Variants in DYNC1I1 observed in about 807,000 individuals in gnomAD.
The protein encoded by DYNC1I1 is dynein cytoplasmic 1 intermediate chain 1, also known as cytoplasmic dynein 1 intermediate chain 1.
Under a neutral mutation model 86.6 loss-of-function variants are expected in DYNC1I1, and 43 were observed. The observed-to-expected ratio is 0.50, with a 90% CI of 0.39 to 0.64. The LOEUF is 0.64. Ranked by LOEUF, DYNC1I1 falls within the 30% of genes least tolerant of loss-of-function variation. DYNC1I1 has a pLI of 0.00. For missense variants in DYNC1I1, 604 were observed against 788.8 expected (o/e 0.77, Z 2.81); for synonymous variants, 262 against 283.7 (o/e 0.92, Z 0.77).
intron 5 of DYNC1I1, among the ~76,000 whole-genome samples, chr7:95,866,428 C>T (rs1790019822): frequency 6.6e-6 from 1 of 152,112 alleles, no homozygotes; most frequent in Admixed American, 6.5e-5. Flanking sequence ...AGTATAGTTT[C>T]AAAGTTTTTA....
At chr7:95,860,171 A>T (rs959971653) in intron 5 of DYNC1I1, among the ~76,000 whole-genome samples, 1 of 152,056 alleles carries the variant, frequency 6.6e-6, no homozygotes, top group Non-Finnish European at 1.5e-5. Flanking sequence ...CTTACCTTTT[A>T]TTCCTATTTA....
intron 1 of DYNC1I1, among the ~76,000 whole-genome samples, chr7:95,797,259 C>A (rs545379937): frequency 9.9e-5 from 15 of 152,240 alleles, no homozygotes; most frequent in Non-Finnish European, 1.5e-4. Context: ...GAACAACTGA[C>A]AAGCTAGGGT....
intron 14 of DYNC1I1, among the ~76,000 whole-genome samples, chr7:96,062,560 ATTCTTCTGATC>A (rs1677204817): frequency 6.6e-6 from 1 of 152,092 alleles, no homozygotes; most frequent in South Asian, 2.1e-4. Context: ...AATCAGACAT[ATTCTTCTGATC>A]TTCTGTCTTT....
intron 6 of DYNC1I1, among the ~76,000 whole-genome samples, chr7:95,956,062 C>T (rs919035298): frequency 6.6e-6 from 1 of 152,112 alleles, no homozygotes; most frequent in Admixed American, 6.5e-5. Flanking sequence ...AAGTGTTATG[C>T]TTTACTGTAT....
At position 95,977,032 on chromosome 7, in the gene DYNC1I1, A is replaced by G. The variant is rs538460582; in HGVS notation, c.491-480A>G. On this transcript the variant is annotated intron_variant, in intron 6 of 16. Coordinates refer to ENST00000447467, the MANE Select transcript of DYNC1I1 (RefSeq NM_001135556.2). ...CCTTCCCTTGGTTGTTTACTTGCCA[A>G]TGGCATTTGACCTGGGGTCAGACCT... Among the ~76,000 whole-genome samples, 17 of 152,324 alleles carry G rather than the reference A, an allele frequency of 1.1e-4. No homozygotes were observed. In the East Asian group the frequency reaches 2.1e-3, roughly 19 times the overall value.
chr7:95,997,229 A>G (rs1793888522), intron 10 of DYNC1I1, among the ~76,000 whole-genome samples: 1 of 151,962 alleles, frequency 6.6e-6, no homozygotes, highest in African/African-American at 2.4e-5. Flanking sequence ...ATTTTTTTTA[A>G]GATTTTCAAG....
At chr7:95,846,669 C>CTGTGTGTGTGT (rs1789441496) in intron 5 of DYNC1I1, among the ~76,000 whole-genome samples, 1 of 129,370 alleles carries the variant, frequency 7.7e-6, no homozygotes, top group Non-Finnish European at 1.6e-5. Context: ...GTGTGTGTGA[C>CTGTGTGTGTGT]GAAGGGGGCC....
At chr7:95,840,745 T>C (rs1789258953) in intron 5 of DYNC1I1, among the ~76,000 whole-genome samples, 1 of 152,222 alleles carries the variant, frequency 6.6e-6, no homozygotes, top group African/African-American at 2.4e-5. Context: ...ACCTATTCCT[T>C]CGTGCTTCCA....
Position 95,915,395 on chromosome 7 carries a change from T to C in DYNC1I1, c.490+45397T>C, listed in dbSNP as rs554569662. On this transcript the variant is annotated intron_variant, in intron 6 of 16. Transcript: ENST00000447467. Reference sequence around the variant, plus strand: ...TTGAACTTACATCTATCTCCAGAGCTTTGATTTTTCTGTTTAATTTGTATT... The same window carrying C: ...TTGAACTTACATCTATCTCCAGAGCCTTGATTTTTCTGTTTAATTTGTATT... Among the ~76,000 whole-genome samples, 8 of 152,384 alleles carry C rather than the reference T, an allele frequency of 5.2e-5. No individual in the cohort carries two copies. The South Asian group carries it at 1.0e-3, about 20-fold the overall frequency.
At chr7:95,943,665 C>G (rs1792306587) in intron 6 of DYNC1I1, among the ~76,000 whole-genome samples, 2 of 148,708 alleles carry the variant, frequency 1.3e-5, no homozygotes, top group Admixed American at 1.4e-4. Context: ...GGTACTGGCA[C>G]CAAAACAGAG....
intron 1 of DYNC1I1, among the ~76,000 whole-genome samples, chr7:95,791,437 C>A (rs1794299339): frequency 1.3e-5 from 2 of 152,206 alleles, no homozygotes; most frequent in Non-Finnish European, 2.9e-5. Flanking sequence ...TGCTTGTTAT[C>A]AGTTATTTTA....
intron 6 of DYNC1I1, among the ~76,000 whole-genome samples, chr7:95,912,376 A>T (rs971627412): frequency 6.6e-6 from 1 of 152,138 alleles, no homozygotes; most frequent in African/African-American, 2.4e-5. Context: ...GAGGAAAGGC[A>T]GTTCTGGAGT....
chr7:95,875,606 G>A (rs1226381063), intron 6 of DYNC1I1, among the ~76,000 whole-genome samples: 1 of 152,220 alleles, frequency 6.6e-6, no homozygotes, highest in African/African-American at 2.4e-5. Flanking sequence ...GTAGAGGGAA[G>A]AAAGATGAGG....
At chr7:95,813,608 T>C (rs1041918370) in intron 4 of DYNC1I1, among the ~76,000 whole-genome samples, 2 of 152,132 alleles carry the variant, frequency 1.3e-5, no homozygotes, top group African/African-American at 4.8e-5. Flanking sequence ...TCCATTAGCT[T>C]AGGCTTAAAA....
At chr7:95,811,622 C>T (rs547916382) in intron 3 of DYNC1I1, among the ~76,000 whole-genome samples, 55 of 152,172 alleles carry the variant, frequency 3.6e-4, no homozygotes, top group East Asian at 1.9e-3. Flanking sequence ...TATACTCAAT[C>T]TCAATTTGTA....
chr7:96,096,754 C>G (rs551853165), intron 16 of DYNC1I1, among the ~76,000 whole-genome samples: 6 of 152,228 alleles, frequency 3.9e-5, no homozygotes, highest in Non-Finnish European at 7.4e-5. Context: ...GCTAAGGATG[C>G]TCATACTGGA....
intron 7 of DYNC1I1, among the ~76,000 whole-genome samples, chr7:95,979,290 G>T (rs994334404): frequency 6.6e-6 from 1 of 152,172 alleles, no homozygotes; most frequent in African/African-American, 2.4e-5. Flanking sequence ...TCAATTATTA[G>T]CTGAGTGATC....
intron 5 of DYNC1I1, among the ~76,000 whole-genome samples, chr7:95,853,399 G>A (rs536214533): frequency 1.7e-3 from 257 of 152,230 alleles, no homozygotes; most frequent in Middle Eastern, 6.8e-3. Flanking sequence ...GGGATGACAT[G>A]GCAAGAAAGC....
At chr7:95,830,308 G>T (rs535221256) in intron 5 of DYNC1I1, among the ~76,000 whole-genome samples, 12 of 152,174 alleles carry the variant, frequency 7.9e-5, no homozygotes, top group Non-Finnish European at 1.8e-4. Context: ...AATCAAGATA[G>T]TGAACACATT....
Sources: allele counts gnomAD v4.1 joint callset (sites outside exome capture counted in the v4.1 genomes callset), GRCh38; gene constraint gnomAD v4.1.1; transcripts MANE v1.5; gene names NCBI Gene and HGNC (gene_info 2026-07-23, HGNC 2026-07-21).